KIF7: variants seen among roughly 807,000 people sequenced by gnomAD.
KIF7 encodes kinesin family member 7.
A neutral mutation model predicts 135.7 loss-of-function variants in KIF7; 104 were observed. That is an observed-to-expected ratio of 0.77 (90% confidence interval 0.65 to 0.90). The LOEUF is 0.90. Ranked by LOEUF, KIF7 falls within the 40% of genes least tolerant of loss-of-function variation. The pLI is 0.00. For missense variants in KIF7, 2,005 were observed against 1,839.1 expected, an observed-to-expected ratio of 1.09 and a Z score of -1.65; for synonymous variants, 883 against 809.4, an observed-to-expected ratio of 1.09 and a Z score of -1.54.
At chr15:89,635,724 G>A (rs1310338663) in intron 11 of KIF7, among the ~76,000 whole-genome samples, 2 of 152,162 alleles carry the variant, frequency 1.3e-5, no homozygotes, top group Non-Finnish European at 2.9e-5. Flanking sequence ...AAGTGACGGG[G>A]AGAATGGAAC....
At chr15:89,662,372 C>G in the KIF7 span, among the ~76,000 whole-genome samples, 1 of 152,158 alleles carries the variant, frequency 6.6e-6, no homozygotes. Flanking sequence ...TGGCGCACAC[C>G]TGTAATCTCA....
Position 89,648,611 on chromosome 15 carries a change from G to C in KIF7, c.1087C>G (p.Arg363Gly). 6.5e-7 allele frequency: 1 copy of C among 1,532,806 alleles called. No homozygotes were observed. 95.0% of individuals were successfully genotyped at this position (1,532,806 alleles called of 1,614,324 possible). Residue 363 changes from arginine (R) to glycine (G), a missense_variant, in exon 5 of 19, where the codon CGG becomes GGG. Transcript: ENST00000394412. ...ATVNWRPEAE[R>G]PPEETASGAR... The stretch of plus-strand genomic sequence containing the variant: ...CCGCTCGCCGTCTCTTCGGGTGGCC[G>C]CTCGGCCTCGGGCCGCCAGTTGACC...
chr15:89,661,724 CT>C, the KIF7 span, among the ~76,000 whole-genome samples: 5,429 of 145,604 alleles, frequency 0.037, 320 homozygotes, highest in African/African-American at 0.12. Flanking sequence ...TTGTAACTAA[CT>C]TTTTTTTTTT....
intron 11 of KIF7, 28 bp downstream of exon 11, chr15:89,642,175 C>T (rs761863549): frequency 2.4e-5 from 38 of 1,605,716 alleles, no homozygotes; most frequent in Non-Finnish European, 3.0e-5. Flanking sequence ...GTCACCCCAG[C>T]ACCCCACCCT....
chr15:89,647,527 A>G, intron 6 of KIF7, 69 bp downstream of exon 6: 1 of 1,379,748 alleles, frequency 7.2e-7, no homozygotes, highest in Middle Eastern at 1.8e-4. Context: ...CATCCTGAGA[A>G]ACTCAGCTCT....
At chr15:89,645,638 G>A (rs1963998439) in intron 8 of KIF7, among the ~76,000 whole-genome samples, 187 bp from the exon 9 acceptor site, 1 of 152,148 alleles carries the variant, frequency 6.6e-6, no homozygotes, top group East Asian at 1.9e-4. Context: ...AGGGCAGCTG[G>A]GGGCATAGAG....
chr15:89,624,591 G>A (rs1284594786), downstream of KIF7: 12 of 1,613,846 alleles, frequency 7.4e-6, no homozygotes, highest in South Asian at 1.1e-4. Flanking sequence ...AGAAGGGACT[G>A]AGCCTCTCTC....
intron 1 of KIF7, among the ~76,000 whole-genome samples, chr15:89,653,742 T>G (rs1567070178): frequency 6.7e-6 from 1 of 149,760 alleles, no homozygotes; most frequent in African/African-American, 2.5e-5. Context: ...GCTAATTTTA[T>G]TATTAGTATT....
intron 15 of KIF7, 73 bp from the exon 16 acceptor site, chr15:89,630,566 A>G: frequency 7.8e-7 from 1 of 1,274,658 alleles, no homozygotes; most frequent in Non-Finnish European, 1.1e-6. Flanking sequence ...GACATGCAAC[A>G]GCCAACACGT....
chr15:89,652,676 G>A lies in KIF7; in HGVS notation c.255C>T (p.Gly85=). 1 of 1,551,096 alleles carries A rather than the reference G, an allele frequency of 6.4e-7. No individual in the cohort carries two copies. Among genetic ancestry groups the A allele is most frequent in the Non-Finnish European group, 8.7e-7 (1 of 1,146,388 alleles). The change falls in exon 2 of 19, where the codon GGC becomes GGT. Residue 85 remains glycine, a synonymous_variant. Coordinates refer to ENST00000394412, the MANE Select transcript of KIF7 (RefSeq NM_198525.3). ...VQPLLEAFFE[G]FNATVFAYGQ... is the part of the protein sequence containing the mutation. ...CATAGGCAAAGACAGTGGCATTGAAGCCCTCGAAGAAGGCCTCAAGGAGGG... is the reference window on the plus strand; with the variant it reads ...CATAGGCAAAGACAGTGGCATTGAAACCCTCGAAGAAGGCCTCAAGGAGGG...
upstream of KIF7, among the ~76,000 whole-genome samples, chr15:89,659,544 G>A (rs1964238545): frequency 6.6e-6 from 1 of 151,944 alleles, no homozygotes; most frequent in Admixed American, 6.6e-5. Flanking sequence ...AGGGAGGGAA[G>A]AAAGAAAAGA....
Position 89,645,067 on chromosome 15 carries a change from G to A in KIF7, c.2137C>T (p.Leu713=), listed in dbSNP as rs762264287. 1 of 1,606,162 alleles carries A rather than the reference G, an allele frequency of 6.2e-7. No homozygotes were observed. The highest frequency in any genetic ancestry group is 8.5e-7 in the Non-Finnish European group (1 of 1,179,990). ...TCCTTCATGCGGATGTTGATAGCCA[G>A]CTCCCGGATCTTCTGCTGGGCCTGG... ...LAQAQQKIRE[L]AINIRMKEEL... Residue 713 remains leucine, a synonymous_variant, in exon 10 of 19, where the codon CTG becomes TTG. Coordinates refer to ENST00000394412, the MANE Select transcript of KIF7 (RefSeq NM_198525.3).
At position 89,644,947 on chromosome 15, in the gene KIF7, A is replaced by G. The variant is rs559320140; in HGVS notation, c.2191+66T>C. ...ACCTCATTGTTGAAATCCCTCTAGA[A>G]CAGTGCAGAAGTAACGATGAGAAGT... On this transcript the variant is annotated intron_variant, in intron 10 of 18. Transcript: ENST00000394412. The G allele has an allele frequency of 1.0e-4, 161 of 1,589,910 alleles. 2 individuals are homozygous for G. In the South Asian group the frequency reaches 1.7e-3, roughly 17 times the overall value.
downstream of KIF7, chr15:89,624,178 A>G (rs772561850): frequency 1.2e-6 from 2 of 1,614,142 alleles, no homozygotes; most frequent in South Asian, 1.1e-5. Flanking sequence ...TAAAGCTATC[A>G]AAACTCCAAA....
At chr15:89,635,738 G>A (rs1320096196) in intron 11 of KIF7, among the ~76,000 whole-genome samples, 6 of 152,204 alleles carry the variant, frequency 3.9e-5, no homozygotes, top group Admixed American at 1.3e-4. Flanking sequence ...ATGGAACCAA[G>A]TTGGAAAACA....
rs764572782 is a variant in KIF7 at position 89,633,707 on chromosome 15, G to C, written c.2571C>G (p.Ser857Arg). The C allele has an allele frequency of 5.6e-5, 90 of 1,608,098 alleles. No homozygotes were observed. In the East Asian group the frequency reaches 2.0e-3, roughly 35 times the overall value. Residue 857 changes from serine (S) to arginine (R), a missense_variant, in exon 12 of 19, where the codon AGC (serine) becomes AGG (arginine). Physicochemically the swap from Ser to Arg is moderately radical, Grantham distance 110. Transcript: ENST00000394412. ...EQKRRLEAEMSKRQHRVKELE... is the reference protein window; with the variant it reads ...EQKRRLEAEMRKRQHRVKELE... ...TGACCTTGACGCGGTGCTGCCGCTTGCTCATTTCTGCCTCCAGGCGCCGCT... is the reference window on the plus strand; with the variant it reads ...TGACCTTGACGCGGTGCTGCCGCTTCCTCATTTCTGCCTCCAGGCGCCGCT...
intron 1 of KIF7, among the ~76,000 whole-genome samples, chr15:89,653,364 C>T (rs1441997696): frequency 6.6e-6 from 1 of 152,182 alleles, no homozygotes; most frequent in Non-Finnish European, 1.5e-5. Flanking sequence ...CCTGCCCCAC[C>T]TTCTTCAAAA....
At chr15:89,636,078 A>C (rs1292201576) in intron 11 of KIF7, among the ~76,000 whole-genome samples, 1 of 152,174 alleles carries the variant, frequency 6.6e-6, no homozygotes, top group Non-Finnish European at 1.5e-5. Context: ...CAGCCAAACT[A>C]AGCTTCATAA....
chr15:89,636,825 G>A (rs1355661077), intron 11 of KIF7, among the ~76,000 whole-genome samples: 29 of 147,740 alleles, frequency 2.0e-4, no homozygotes, highest in East Asian at 1.4e-3. Context: ...TGCACCAAGC[G>A]GACCTAATAG....
Sources: allele counts gnomAD v4.1 joint callset (sites outside exome capture counted in the v4.1 genomes callset), GRCh38; gene constraint gnomAD v4.1.1; transcripts MANE v1.5; gene names NCBI Gene and HGNC (gene_info 2026-07-23, HGNC 2026-07-21).